Variants in SUGCT observed in about 807,000 individuals in gnomAD.
SUGCT encodes succinyl-CoA:glutarate CoA-transferase.
In SUGCT, 41 loss-of-function variants were observed where a neutral mutation model predicts 55.0. The observed-to-expected ratio is 0.74, with a 90% CI of 0.58 to 0.97. SUGCT has a LOEUF of 0.97. SUGCT is among the 50% of genes least tolerant of loss of function. The pLI is 0.00. For missense variants in SUGCT, 568 were observed against 547.8 expected, an observed-to-expected ratio of 1.04 and a Z score of -0.37; for synonymous variants, 187 against 200.4, an observed-to-expected ratio of 0.93 and a Z score of 0.56.
intron 12 of SUGCT, among the ~76,000 whole-genome samples, chr7:40,703,883 G>A (rs2035855317): frequency 6.6e-6 from 1 of 152,174 alleles, no homozygotes; most frequent in South Asian, 2.1e-4. Context: ...CAGTCCATTC[G>A]AAGAGAAGGA....
chr7:40,446,917 T>A (rs1281395209), intron 9 of SUGCT, among the ~76,000 whole-genome samples: 1 of 152,218 alleles, frequency 6.6e-6, no homozygotes, highest in African/African-American at 2.4e-5. Context: ...CTAGTGTGAC[T>A]ATGGATCTGA....
intron 12 of SUGCT, among the ~76,000 whole-genome samples, chr7:40,522,814 G>T (rs1793609401): frequency 6.6e-6 from 1 of 152,048 alleles, no homozygotes; most frequent in African/African-American, 2.4e-5. Flanking sequence ...ATATTGACAA[G>T]TCATTTTCTG....
intron 9 of SUGCT, among the ~76,000 whole-genome samples, chr7:40,376,709 A>C (rs1356999820): frequency 1.6e-4 from 24 of 150,956 alleles, no homozygotes; most frequent in Non-Finnish European, 1.8e-4. Context: ...TATATCTTGA[A>C]TGTCTTCTCG....
intron 12 of SUGCT, among the ~76,000 whole-genome samples, chr7:40,749,112 A>G (rs1021694845): frequency 6.6e-6 from 1 of 152,124 alleles, no homozygotes; most frequent in African/African-American, 2.4e-5. Flanking sequence ...CTGAGCTTTA[A>G]TATTAGGGGA....
rs139291968 is a variant in SUGCT, at chr7:40,178,326, C to T, written c.101-2621C>T. On this transcript the variant is annotated intron_variant, in intron 1 of 13. Transcript: ENST00000335693. ...CTTATTTGTAAGTTGGATCTAGAGT[C>T]TTCCTTATATTCAGGTGGGGAGGAA... is the stretch of plus-strand genomic sequence containing the variant. Among the ~76,000 whole-genome samples the T allele has an allele frequency of 2.9e-4, 44 of 152,234 alleles. No individual in the cohort carries two copies. The East Asian group carries it at 8.1e-3, about 28-fold the overall frequency.
At chr7:40,342,418 T>A (rs1444015126) in intron 9 of SUGCT, among the ~76,000 whole-genome samples, 1 of 152,184 alleles carries the variant, frequency 6.6e-6, no homozygotes, top group Non-Finnish European at 1.5e-5. Flanking sequence ...TCAACCATAA[T>A]ATTTCCTCCA....
intron 9 of SUGCT, among the ~76,000 whole-genome samples, chr7:40,366,712 G>T (rs1471676221): frequency 6.6e-6 from 1 of 152,052 alleles, no homozygotes; most frequent in Non-Finnish European, 1.5e-5. Flanking sequence ...AAACCACAAT[G>T]AGATACCATC....
At chr7:40,504,274 G>A (rs77519902) in intron 12 of SUGCT, among the ~76,000 whole-genome samples, 199 of 151,790 alleles carry the variant, frequency 1.3e-3, no homozygotes, top group African/African-American at 4.4e-3. Flanking sequence ...AACAAACAAG[G>A]TTTTGCTCTG....
the SUGCT span, among the ~76,000 whole-genome samples, chr7:40,923,643 A>T: frequency 6.6e-6 from 1 of 152,166 alleles, no homozygotes; most frequent in African/African-American, 2.4e-5. Context: ...CTTCTTGGGG[A>T]CCACCAGATT....
chr7:40,578,954 A>G (rs1796925088), intron 12 of SUGCT, among the ~76,000 whole-genome samples: 1 of 152,200 alleles, frequency 6.6e-6, no homozygotes, highest in Admixed American at 6.5e-5. Flanking sequence ...AGTTCTCAGA[A>G]GTGTCTAGAA....
chr7:41,011,114 T>A, the SUGCT span, among the ~76,000 whole-genome samples: 1 of 152,290 alleles, frequency 6.6e-6, no homozygotes, highest in African/African-American at 2.4e-5. Flanking sequence ...AGCTCTAGAT[T>A]ATGACAGTTC....
chr7:40,227,043 CT>C (rs35073564), intron 6 of SUGCT, among the ~76,000 whole-genome samples: 11,850 of 95,540 alleles, frequency 0.12, 194 homozygotes, highest in Admixed American at 0.18. Flanking sequence ...TTTAATAGAT[CT>C]TTTTTTTTTT....
intron 6 of SUGCT, chr7:40,217,464 G>C (rs1787736652): frequency 2.3e-6 from 1 of 444,404 alleles, no homozygotes; most frequent in Non-Finnish European, 4.5e-6. Context: ...TGCCGGCTCT[G>C]GTCTCCCAAA....
intron 12 of SUGCT, among the ~76,000 whole-genome samples, chr7:40,690,997 C>T (rs1784671921): frequency 6.6e-6 from 1 of 152,166 alleles, no homozygotes; most frequent in South Asian, 2.1e-4. Context: ...CCCATCTGGA[C>T]GAAATATACT....
At chr7:40,739,622 AGC>A in intron 12 of SUGCT, among the ~76,000 whole-genome samples, 1 of 151,908 alleles carries the variant, frequency 6.6e-6, no homozygotes, top group South Asian at 2.1e-4. Context: ...TTTTCCCCCC[AGC>A]TCCAGTACAC....
chr7:40,274,570 G>T lies in SUGCT; in HGVS notation c.634G>T (p.Ala212Ser). 1 of 1,613,740 alleles carries T rather than the reference G, an allele frequency of 6.2e-7. No individual in the cohort carries two copies. The highest frequency in any genetic ancestry group is 8.5e-7 in the Non-Finnish European group (1 of 1,179,722). ...GACTGATCTTGCCACTGGCCTGTAT[G>T]CATATGGAGCTATTATGGCTGGATT... is the stretch of plus-strand genomic sequence containing the variant. ...AMTDLATGLY[A>S]YGAIMAGLIQ... Residue 212 changes from alanine (A) to serine (S), a missense_variant, in exon 8 of 14, where the codon GCA becomes TCA. Physicochemically the swap from Ala to Ser is moderately conservative, Grantham distance 99 (BLOSUM62 1). Coordinates refer to ENST00000335693, the MANE Select transcript of SUGCT (RefSeq NM_001193313.2).
chr7:40,304,528 G>A (rs1227803861), intron 8 of SUGCT, among the ~76,000 whole-genome samples: 1 of 150,948 alleles, frequency 6.6e-6, no homozygotes, highest in Non-Finnish European at 1.5e-5. Flanking sequence ...AGATTTTGGT[G>A]CACCCATCAC....
intron 12 of SUGCT, among the ~76,000 whole-genome samples, chr7:40,638,458 T>C (rs534980090): frequency 3.3e-5 from 5 of 152,276 alleles, no homozygotes; most frequent in African/African-American, 9.6e-5. Context: ...TTCTAGTTAA[T>C]CTCAGCGCTT....
intron 12 of SUGCT, among the ~76,000 whole-genome samples, chr7:40,590,853 T>A (rs1029944041): frequency 2.0e-5 from 3 of 152,210 alleles, no homozygotes; most frequent in Non-Finnish European, 2.9e-5. Context: ...ACTGCGTCTG[T>A]TTACAGCATG....
Sources: gnomAD v4.1 joint callset for allele counts (sites outside exome capture counted in the v4.1 genomes callset) on GRCh38, gnomAD v4.1.1 for gene constraint, MANE v1.5 for transcripts, NCBI Gene and HGNC (gene_info 2026-07-23, HGNC 2026-07-21) for gene names.